PDE4D: variants seen among roughly 807,000 people sequenced by gnomAD.
The protein encoded by PDE4D is phosphodiesterase 4D.
PDE4D carries 24 observed loss-of-function variants against 87.4 expected under a neutral mutation model. The ratio of observed to expected loss-of-function variants is 0.27; its 90% confidence interval spans 0.20 to 0.39. The LOEUF (loss-of-function observed/expected upper bound fraction) is 0.39. Among genes scored for constraint, PDE4D ranks in the 10% least tolerant of loss-of-function variants. The pLI is 1.00. For missense variants in PDE4D, 714 were observed against 1,041.0 expected, an observed-to-expected ratio of 0.69 and a Z score of 4.32; for synonymous variants, 384 against 383.2, an observed-to-expected ratio of 1.00 and a Z score of -0.02.
At chr5:59,223,418 C>A (rs1752998528) in intron 1 of PDE4D, among the ~76,000 whole-genome samples, 1 of 152,064 alleles carries the variant, frequency 6.6e-6, no homozygotes, top group African/African-American at 2.4e-5. Context: ...TCCACTCTCC[C>A]CTGTGTATTG....
intron 1 of PDE4D, among the ~76,000 whole-genome samples, chr5:59,608,930 C>G (rs907269294): frequency 3.3e-5 from 5 of 152,104 alleles, no homozygotes; most frequent in African/African-American, 1.2e-4. Flanking sequence ...CTGGGGGATA[C>G]AAGCTATAAT....
At chr5:59,072,959 T>A (rs951054236) in intron 5 of PDE4D, among the ~76,000 whole-genome samples, 1 of 152,220 alleles carries the variant, frequency 6.6e-6, no homozygotes, top group Non-Finnish European at 1.5e-5. Flanking sequence ...AGGTCATGAA[T>A]CGCTTAGATG....
intron 1 of PDE4D, among the ~76,000 whole-genome samples, chr5:59,552,018 C>G (rs2153688154): frequency 6.6e-6 from 1 of 152,142 alleles, no homozygotes. Context: ...GAGTTTGAGA[C>G]CAGCCTAGGG....
intron 1 of PDE4D, among the ~76,000 whole-genome samples, chr5:60,275,688 T>C (rs1751289068): frequency 6.6e-6 from 1 of 152,140 alleles, no homozygotes; most frequent in African/African-American, 2.4e-5. Flanking sequence ...GGTTTAATTT[T>C]ACCTTCTTTT....
chr5:60,415,359 T>C (rs966469036), intron 1 of PDE4D, among the ~76,000 whole-genome samples: 26 of 152,248 alleles, frequency 1.7e-4, no homozygotes, highest in Non-Finnish European at 2.9e-5. Context: ...CTGGCCGTGC[T>C]TGAGGAGCCC....
chr5:59,136,481 C>T (rs1777098501), intron 5 of PDE4D, among the ~76,000 whole-genome samples: 1 of 152,040 alleles, frequency 6.6e-6, no homozygotes, highest in Non-Finnish European at 1.5e-5. Flanking sequence ...TGGAAATGAC[C>T]CACAAGACTA....
intron 1 of PDE4D, among the ~76,000 whole-genome samples, chr5:59,464,786 A>C (rs1286006744): frequency 1.3e-5 from 2 of 152,238 alleles, no homozygotes; most frequent in Non-Finnish European, 2.9e-5. Context: ...ATGTGCAAAA[A>C]TAATGTGATA....
intron 2 of PDE4D, among the ~76,000 whole-genome samples, chr5:60,087,173 T>G (rs903372831): frequency 6.6e-6 from 1 of 152,210 alleles, no homozygotes; most frequent in African/African-American, 2.4e-5. Flanking sequence ...TCCAGCAAAG[T>G]GTTTTTGTAC....
intron 3 of PDE4D, among the ~76,000 whole-genome samples, chr5:59,951,696 T>C (rs1055545720): frequency 6.6e-6 from 1 of 152,200 alleles, no homozygotes; most frequent in Non-Finnish European, 1.5e-5. Context: ...AGATGTAACC[T>C]AGATTTAGTA....
intron 1 of PDE4D, chr5:60,429,854 T>G (rs561479559): frequency 2.2e-4 from 76 of 344,180 alleles, no homozygotes; most frequent in Admixed American, 7.9e-4. Flanking sequence ...TTTTGTTTTT[T>G]TTTTTAAACA....
intron 1 of PDE4D, among the ~76,000 whole-genome samples, chr5:59,510,863 T>C (rs1031818166): frequency 6.6e-6 from 1 of 151,950 alleles, no homozygotes; most frequent in Admixed American, 6.6e-5. Flanking sequence ...TCTGAAAATA[T>C]AATTTCTCCT....
At chr5:59,811,817 G>C (rs766747724) in intron 1 of PDE4D, among the ~76,000 whole-genome samples, 1 of 152,176 alleles carries the variant, frequency 6.6e-6, no homozygotes, top group African/African-American at 2.4e-5. Flanking sequence ...ATGTAAAAAC[G>C]TGGTGATAAT....
intron 1 of PDE4D, among the ~76,000 whole-genome samples, chr5:60,501,537 A>G (rs1561318809): frequency 6.6e-6 from 1 of 151,424 alleles, no homozygotes; most frequent in East Asian, 1.9e-4. Context: ...GGCTGGGTCA[A>G]ATGGTATTTC....
At chr5:59,680,149 C>T (rs1055964418) in intron 1 of PDE4D, among the ~76,000 whole-genome samples, 1 of 152,074 alleles carries the variant, frequency 6.6e-6, no homozygotes. Flanking sequence ...TTATACCCAA[C>T]TTTTATTATC....
Position 58,972,939 on chromosome 5 carries a change from T to G in PDE4D, c.*1725A>C, listed in dbSNP as rs1055043111. 2.6e-5 allele frequency: 4 copies of G among 152,206 alleles called. No homozygotes were observed. The highest frequency in any genetic ancestry group is 9.6e-5 in the African/African-American group (4 of 41,458). 9.4% of individuals were successfully genotyped at this position (152,206 alleles called of 1,614,324 possible). On this transcript the variant is annotated 3_prime_UTR_variant, in exon 15 of 15. Transcript: ENST00000340635. ...ACCCTCTGGTGCCAGTGGCATCATC[T>G]TCTTTCCCTCCATGTGTTTAAAGAA... is the stretch of plus-strand genomic sequence containing the variant.
At chr5:60,234,726 T>C (rs1035896168) in intron 1 of PDE4D, among the ~76,000 whole-genome samples, 1 of 151,930 alleles carries the variant, frequency 6.6e-6, no homozygotes, top group African/African-American at 2.4e-5. Flanking sequence ...GTTTACTTGT[T>C]GTAGGTCTAT....
intron 1 of PDE4D, among the ~76,000 whole-genome samples, chr5:59,354,336 A>G (rs529787923): frequency 6.6e-6 from 1 of 152,304 alleles, no homozygotes; most frequent in South Asian, 2.1e-4. Context: ...ATATTTTTTA[A>G]AAAATAAGAA....
Position 59,826,703 on chromosome 5 carries a change from C to T in PDE4D, c.455+66465G>A, listed in dbSNP as rs141620735. ...CTGTAAACCTGTATAGCTCTTAACA[C>T]AGCAGTCAATTCCAAGCAAGGGAGT... On this transcript the variant is annotated intron_variant, in intron 1 of 14. Transcript: ENST00000340635. Among the ~76,000 whole-genome samples, 513 of 152,174 alleles carry T rather than the reference C, an allele frequency of 3.4e-3. 5 individuals carry two copies. The highest frequency in any genetic ancestry group is 6.6e-3 in the Admixed American group (100 of 15,266).
intron 1 of PDE4D, among the ~76,000 whole-genome samples, chr5:59,749,384 C>A (rs1369100305): frequency 2.0e-5 from 3 of 152,132 alleles, no homozygotes; most frequent in African/African-American, 7.2e-5. Flanking sequence ...CTGCCTCAGA[C>A]TCCCCAGTAG....
Sources: gnomAD v4.1 joint callset for allele counts (sites outside exome capture counted in the v4.1 genomes callset) on GRCh38, gnomAD v4.1.1 for gene constraint, MANE v1.5 for transcripts, NCBI Gene and HGNC (gene_info 2026-07-23, HGNC 2026-07-21) for gene names.